NAV1: variants seen among roughly 807,000 people sequenced by gnomAD.
NAV1 encodes the protein pore membrane and/or filament interacting like protein 3.
In NAV1, 18 loss-of-function variants were observed where a neutral mutation model predicts 175.2. The observed-to-expected ratio is 0.10, with a 90% CI of 0.07 to 0.15. The LOEUF is 0.15. NAV1 is among the 10% of genes least tolerant of loss of function. The pLI is 1.00. For synonymous variants in NAV1, 897 were observed against 978.7 expected, an observed-to-expected ratio of 0.92 and a Z score of 1.56; for missense variants, 1,731 against 2,436.6, an observed-to-expected ratio of 0.71 and a Z score of 6.10.
chr1:201,726,475 C>A (rs239974), intron 3 of NAV1, among the ~76,000 whole-genome samples: 130,240 of 151,700 alleles, frequency 0.86, 56,656 homozygotes, highest in Non-Finnish European at 0.92. Context: ...CATGATGAAA[C>A]CCCATCTCTA....
chr1:201,769,885 A>G (rs573276706), intron 3 of NAV1, among the ~76,000 whole-genome samples: 38 of 152,366 alleles, frequency 2.5e-4, no homozygotes, highest in African/African-American at 8.4e-4. Context: ...GTAAATAGAG[A>G]AATAGTTACT....
At chr1:201,564,698 A>C (rs1666302032) in intron 1 of NAV1, among the ~76,000 whole-genome samples, 2 of 152,212 alleles carry the variant, frequency 1.3e-5, no homozygotes, top group Non-Finnish European at 2.9e-5. Flanking sequence ...GTGTCTTAAC[A>C]CAGATTTATC....
intron 1 of NAV1, among the ~76,000 whole-genome samples, chr1:201,704,488 C>T (rs1199167611): frequency 6.6e-6 from 1 of 152,234 alleles, no homozygotes; most frequent in Non-Finnish European, 1.5e-5. Flanking sequence ...TCTCTTATCC[C>T]AAGCCTGGAG....
At chr1:201,577,915 C>G (rs2102186817) in intron 1 of NAV1, among the ~76,000 whole-genome samples, 1 of 152,226 alleles carries the variant, frequency 6.6e-6, no homozygotes, top group Non-Finnish European at 1.5e-5. Flanking sequence ...GTTTCTCTTC[C>G]TGCTTTCAAG....
chr1:201,643,270 CCT>C (rs200118547), upstream of NAV1, among the ~76,000 whole-genome samples: 2,924 of 140,958 alleles, frequency 0.021, 91 homozygotes, highest in African/African-American at 0.078. Context: ...TCCTTCCCTC[CCT>C]CTCTTTCTTT....
chr1:201,711,552 G>A (rs1671906685), intron 1 of NAV1, among the ~76,000 whole-genome samples: 1 of 152,250 alleles, frequency 6.6e-6, no homozygotes, highest in African/African-American at 2.4e-5. Context: ...AGGGACTGAG[G>A]GGGCGTTTGG....
At chr1:201,616,584 T>C (rs1184650036) in intron 2 of NAV1, among the ~76,000 whole-genome samples, 1 of 151,968 alleles carries the variant, frequency 6.6e-6, no homozygotes, top group Non-Finnish European at 1.5e-5. Context: ...GCCTCCCAGG[T>C]TCAAGCGATT....
chr1:201,805,081 T>A (rs12126156), intron 17 of NAV1, among the ~76,000 whole-genome samples: 72,653 of 151,470 alleles, frequency 0.48, 18,144 homozygotes, highest in African/African-American at 0.62. Flanking sequence ...GGATGAGGGT[T>A]TGGTCTTAAG....
Position 201,782,232 on chromosome 1 carries a change from C to G in NAV1, c.1720C>G (p.Leu574Val), listed in dbSNP as rs1423761657. 8 of 1,613,658 alleles carry G rather than the reference C, an allele frequency of 5.0e-6. No homozygotes were observed. The highest frequency in any genetic ancestry group is 6.8e-6 in the Non-Finnish European group (8 of 1,179,804). ...TAAGCTTGCAGTGAAGAATACTGGG[C>G]TCCAACGCTCCTCCTCTGATGCTGG... Residue 574 changes from leucine (L) to valine (V), a missense_variant, in exon 6 of 30, where the codon CTC becomes GTC. Around this residue, in one of 13 missense-constraint regions of NAV1, gnomAD observed 634 missense variants for 766.8 expected, o/e 0.83. Transcript: ENST00000367296. This position sits in a 1 kb window ranked among gnomAD's most constrained non-coding sequence, Gnocchi z 5.4.
chr1:201,593,577 C>T lies in NAV1; in HGVS notation c.-33+4928C>T, dbSNP rs148456844. ...AATGTTGGTGGCCTTTCTCTTTTGG[C>T]GCATTCTCTTCTGGTTCTGTCTTTT... is the stretch of plus-strand genomic sequence containing the variant. On this transcript the variant is annotated intron_variant, in intron 2 of 33. Transcript: ENST00000685211. Among the ~76,000 whole-genome samples the T allele has an allele frequency of 3.9e-5, 6 of 152,280 alleles. No individual in the cohort carries two copies. In the East Asian group the frequency reaches 7.7e-4, roughly 20 times the overall value.
chr1:201,603,993 T>C (rs514624), intron 2 of NAV1, among the ~76,000 whole-genome samples: 55,637 of 152,094 alleles, frequency 0.37, 11,322 homozygotes, highest in East Asian at 0.54. Flanking sequence ...ACTCTGTGCC[T>C]GAGCTCATCA....
chr1:201,563,440 A>G (rs942012971), intron 1 of NAV1, among the ~76,000 whole-genome samples: 2 of 151,808 alleles, frequency 1.3e-5, no homozygotes, highest in Non-Finnish European at 2.9e-5. Context: ...CACAATCCCC[A>G]AGACACTGCT....
intron 2 of NAV1, among the ~76,000 whole-genome samples, chr1:201,611,564 G>A (rs1382683336): frequency 6.6e-6 from 1 of 152,226 alleles, no homozygotes; most frequent in Non-Finnish European, 1.5e-5. Flanking sequence ...AGGCTCTCCT[G>A]TTGCTCAGTG....
chr1:201,823,619 G>A (rs1362365784), exon 30 of NAV1: 1 of 152,176 alleles, frequency 6.6e-6, no homozygotes, highest in Non-Finnish European at 1.5e-5. Context: ...ACCCTACAAT[G>A]AAATGTTCAT....
Position 201,808,435 on chromosome 1 carries a change from C to T in NAV1, c.3863C>T (p.Ala1288Val). Residue 1288 changes from alanine to valine, a missense_variant, in exon 19 of 30, where the codon GCC becomes GTC. Physicochemically the swap from Ala to Val is moderately conservative, Grantham distance 64. Around this residue, in one of 13 missense-constraint regions of NAV1, gnomAD observed 146 missense variants for 176.8 expected, o/e 0.83. Transcript: ENST00000367296. The surrounding 1 kb of genome is among the most constrained non-coding windows in gnomAD (Gnocchi z 5.5). ...TCTTACAGGGGCCCTGCTCACCCAG[C>T]CCCCCACACTAGGCTGTTCCATGCA... 1 of 1,612,588 alleles carries T rather than the reference C, an allele frequency of 6.2e-7. No homozygotes were observed. Among genetic ancestry groups the T allele is most frequent in the Non-Finnish European group, 8.5e-7 (1 of 1,179,094 alleles).
intron 2 of NAV1, among the ~76,000 whole-genome samples, chr1:201,595,065 C>T (rs954873901): frequency 1.3e-5 from 2 of 152,216 alleles, no homozygotes; most frequent in Non-Finnish European, 2.9e-5. Context: ...GGACCTGCCA[C>T]GCCTGAGGAC....
chr1:201,550,618 G>A (rs1003281858), intron 1 of NAV1, among the ~76,000 whole-genome samples: 2 of 152,218 alleles, frequency 1.3e-5, no homozygotes, highest in African/African-American at 2.4e-5. Flanking sequence ...CAAATAGAAT[G>A]CATTTTTGTG....
At chr1:201,670,330 G>C (rs1301437956) in intron 1 of NAV1, among the ~76,000 whole-genome samples, 3 of 128,056 alleles carry the variant, frequency 2.3e-5, no homozygotes, top group Non-Finnish European at 4.6e-5. Context: ...GCAGTGAACC[G>C]AGATCATGCC....
intron 3 of NAV1, among the ~76,000 whole-genome samples, chr1:201,737,068 GC>G: frequency 6.6e-6 from 1 of 152,014 alleles, no homozygotes; most frequent in Non-Finnish European, 1.5e-5. Context: ...CAAGGTCAGG[GC>G]CCCTTCAAGC....
Sources: allele counts gnomAD v4.1 joint callset (sites outside exome capture counted in the v4.1 genomes callset), GRCh38; gene constraint gnomAD v4.1.1; regional missense constraint gnomAD v4.1.1; non-coding constraint Gnocchi (gnomAD v3.1); transcripts MANE v1.5; gene names NCBI Gene and HGNC (gene_info 2026-07-23, HGNC 2026-07-21).